DNER: variants seen among roughly 807,000 people sequenced by gnomAD.
DNER encodes the protein delta/notch like EGF repeat containing.
In DNER, 33 loss-of-function variants were observed where a neutral mutation model predicts 78.2. The ratio of observed to expected loss-of-function variants is 0.42; its 90% CI spans 0.32 to 0.56. The LOEUF is 0.56. Ranked by LOEUF, DNER falls within the 20% of genes least tolerant of loss-of-function variation. The pLI is 0.11. For synonymous variants in DNER, 417 were observed against 384.8 expected, an observed-to-expected ratio of 1.08 and a Z score of -0.98; for missense variants, 918 against 975.3, an observed-to-expected ratio of 0.94 and a Z score of 0.78.
chr2:229,364,590 C>T (rs966984401), intron 12 of DNER, among the ~76,000 whole-genome samples: 2 of 152,104 alleles, frequency 1.3e-5, no homozygotes, highest in Non-Finnish European at 2.9e-5. Flanking sequence ...CTCGCAGTTA[C>T]ATAAGCAAGA....
At chr2:229,495,494 A>G (rs1457877078) in intron 6 of DNER, among the ~76,000 whole-genome samples, 1 of 152,180 alleles carries the variant, frequency 6.6e-6, no homozygotes, top group Non-Finnish European at 1.5e-5. Context: ...AGACCCAAGA[A>G]GGGCCAATAT....
At position 229,433,767 on chromosome 2, in the gene DNER, T is replaced by G. The variant is rs148327890; in HGVS notation, c.1486+13549A>C. Among the ~76,000 whole-genome samples, 189 of 152,290 alleles carry G rather than the reference T, an allele frequency of 1.2e-3. 3 individuals carry two copies. The highest frequency in any genetic ancestry group is 4.2e-3 in the African/African-American group (176 of 41,556). On this transcript the variant is annotated intron_variant, in intron 8 of 12. Coordinates refer to ENST00000341772, the MANE Select transcript of DNER (RefSeq NM_139072.4). Reference sequence around the variant, plus strand: ...GTAACATACAGACCAGTAGGTAATATTAAAAATAATATTATAGTTTTGTAA... The same window carrying G: ...GTAACATACAGACCAGTAGGTAATAGTAAAAATAATATTATAGTTTTGTAA...
intron 5 of DNER, among the ~76,000 whole-genome samples, chr2:229,537,323 A>G (rs1028217766): frequency 2.6e-5 from 4 of 152,194 alleles, no homozygotes; most frequent in Non-Finnish European, 5.9e-5. Flanking sequence ...AATGGGCTAC[A>G]AAGGCTGCTA....
chr2:229,471,933 T>C (rs541668807), intron 7 of DNER, among the ~76,000 whole-genome samples: 105 of 152,314 alleles, frequency 6.9e-4, no homozygotes, highest in Non-Finnish European at 1.4e-3. Flanking sequence ...TCACGGGGCC[T>C]AGACTCAAAT....
In DNER at chr2:229,714,408, C is replaced by T. The variant is rs987904112; in HGVS notation, c.16G>A (p.Ala6Thr). The T allele has an allele frequency of 1.7e-6, 2 of 1,164,014 alleles. No homozygotes were observed. The highest frequency in any genetic ancestry group is 2.1e-6 in the Non-Finnish European group (2 of 947,830). 72.1% of individuals were successfully genotyped at this position (1,164,014 alleles called of 1,614,324 possible). The change falls in exon 1 of 13, where the codon GCC (alanine) becomes ACC (threonine). Residue 6 changes from alanine (A) to threonine (T), a missense_variant. By Grantham distance (58) the Ala-to-Thr change is moderately conservative (BLOSUM62 0). Coordinates refer to ENST00000341772, the MANE Select transcript of DNER (RefSeq NM_139072.4). Reference protein sequence around the residue: MQPRRAQAPGAQLLPA... With the variant: MQPRRTQAPGAQLLPA... Reference sequence around the variant, plus strand: ...AGCAGCTGCGCACCGGGCGCCTGGGCGCGGCGGGGCTGCATGGCCGGCCGG... The same window carrying T: ...AGCAGCTGCGCACCGGGCGCCTGGGTGCGGCGGGGCTGCATGGCCGGCCGG...
chr2:229,617,921 A>G (rs1452781318), intron 1 of DNER, among the ~76,000 whole-genome samples: 1 of 152,204 alleles, frequency 6.6e-6, no homozygotes, highest in Non-Finnish European at 1.5e-5. Flanking sequence ...CACTGATTAT[A>G]TGATTGCACT....
chr2:229,505,177 AGT>A (rs144321798), intron 6 of DNER, among the ~76,000 whole-genome samples: 1,640 of 126,480 alleles, frequency 0.013, 12 homozygotes, highest in African/African-American at 0.029. Flanking sequence ...GTGTTGCTGC[AGT>A]GTGTGTGTGT....
At chr2:229,615,633 A>G (rs895808512) in intron 1 of DNER, among the ~76,000 whole-genome samples, 1 of 152,088 alleles carries the variant, frequency 6.6e-6, no homozygotes, top group Non-Finnish European at 1.5e-5. Context: ...AATGGTGTGA[A>G]CCCAGGAGGC....
intron 1 of DNER, among the ~76,000 whole-genome samples, chr2:229,657,450 G>A (rs749604455): frequency 1.3e-5 from 2 of 152,142 alleles, no homozygotes; most frequent in Non-Finnish European, 2.9e-5. Flanking sequence ...AGTGAACACA[G>A]GGATACAGAT....
At chr2:229,478,018 T>G (rs1278043279) in intron 6 of DNER, among the ~76,000 whole-genome samples, 2 of 152,092 alleles carry the variant, frequency 1.3e-5, no homozygotes, top group African/African-American at 4.8e-5. Context: ...ACAAAGCCCC[T>G]GGAGAGAAAA....
At chr2:229,480,002 C>T (rs1285053681) in intron 6 of DNER, among the ~76,000 whole-genome samples, 2 of 152,168 alleles carry the variant, frequency 1.3e-5, no homozygotes, top group Non-Finnish European at 2.9e-5. Context: ...TGACACAAAA[C>T]CATGACCCAC....
intron 1 of DNER, among the ~76,000 whole-genome samples, chr2:229,618,885 T>A (rs1698209279): frequency 6.6e-6 from 1 of 152,136 alleles, no homozygotes; most frequent in Non-Finnish European, 1.5e-5. Flanking sequence ...ATGTCTGTAA[T>A]CCCTTTGGGA....
chr2:229,399,944 A>T (rs974974695), intron 10 of DNER, among the ~76,000 whole-genome samples: 1 of 151,874 alleles, frequency 6.6e-6, no homozygotes, highest in Non-Finnish European at 1.5e-5. Context: ...TCTGGGGGGG[A>T]GCTGACCTAA....
chr2:229,572,725 C>A (rs537398837), intron 4 of DNER, among the ~76,000 whole-genome samples: 81 of 152,224 alleles, frequency 5.3e-4, no homozygotes, highest in Non-Finnish European at 1.0e-3. Flanking sequence ...AGAGAAAGGA[C>A]AAGATAAGAT....
At chr2:229,648,823 A>G (rs1431650031) in intron 1 of DNER, among the ~76,000 whole-genome samples, 1 of 152,248 alleles carries the variant, frequency 6.6e-6, no homozygotes, top group Admixed American at 6.5e-5. Flanking sequence ...AAAAGCTAAT[A>G]GACATTTCTC....
intron 1 of DNER, among the ~76,000 whole-genome samples, chr2:229,669,330 C>T (rs1307117800): frequency 2.0e-5 from 3 of 150,658 alleles, no homozygotes; most frequent in South Asian, 2.1e-4. Flanking sequence ...CAAACCTGCA[C>T]GTTCCGCACA....
At chr2:229,626,399 A>T (rs1334390642) in intron 1 of DNER, among the ~76,000 whole-genome samples, 1 of 152,220 alleles carries the variant, frequency 6.6e-6, no homozygotes, top group Non-Finnish European at 1.5e-5. Flanking sequence ...GTACAGACTA[A>T]TTTTTCTTTA....
chr2:229,516,603 G>T (rs528767158), intron 5 of DNER, among the ~76,000 whole-genome samples: 15 of 152,136 alleles, frequency 9.9e-5, no homozygotes, highest in African/African-American at 3.4e-4. Flanking sequence ...ACAGCTTGAA[G>T]TCAAATATGC....
At chr2:229,448,995 C>T (rs1694397170) in intron 7 of DNER, among the ~76,000 whole-genome samples, 1 of 152,158 alleles carries the variant, frequency 6.6e-6, no homozygotes. Context: ...TGAAGCACCA[C>T]TCATAAATTG....
Sources: allele counts gnomAD v4.1 joint callset (sites outside exome capture counted in the v4.1 genomes callset), GRCh38; gene constraint gnomAD v4.1.1; transcripts MANE v1.5; gene names NCBI Gene and HGNC (gene_info 2026-07-23, HGNC 2026-07-21).